The following DROSHA variants were observed in gnomAD, a reference collection of about 807,000 sequenced individuals.
DROSHA encodes ribonuclease 3.
In DROSHA, 56 loss-of-function variants were observed where a neutral mutation model predicts 181.9. The observed-to-expected ratio is 0.31, with a 90% CI of 0.25 to 0.38. The LOEUF is 0.38. DROSHA is among the 10% of genes least tolerant of loss of function. DROSHA has a pLI of 1.00. For missense variants in DROSHA, 1,218 were observed against 1,743.5 expected, an observed-to-expected ratio of 0.70 and a Z score of 5.37; for synonymous variants, 524 against 591.2, an observed-to-expected ratio of 0.89 and a Z score of 1.65.
intron 16 of DROSHA, among the ~76,000 whole-genome samples, chr5:31,478,287 C>T (rs28397014): frequency 0.019 from 2,928 of 152,214 alleles, 86 homozygotes; most frequent in African/African-American, 0.067. Flanking sequence ...CTGACACTAA[C>T]GACAGCTGAT....
At chr5:31,440,213 T>G (rs1349377405) in intron 23 of DROSHA, among the ~76,000 whole-genome samples, 2 of 152,160 alleles carry the variant, frequency 1.3e-5, no homozygotes, top group Non-Finnish European at 2.9e-5. Flanking sequence ...GTACTGGAGC[T>G]GCCAGGGGTG....
At position 31,495,376 on chromosome 5, in the gene DROSHA, A is replaced by G. The variant is rs1239636590; in HGVS notation, c.1669-4T>C. ...TAGGACGACAGGGCTTGATGGCCTGAGGGGAAAAAAACGAAAATCAGTTTA... is the reference window on the plus strand; with the variant it reads ...TAGGACGACAGGGCTTGATGGCCTGGGGGGAAAAAAACGAAAATCAGTTTA... On this transcript the variant is annotated splice_polypyrimidine_tract_variant and splice_region_variant and intron_variant, in intron 11 of 35. Coordinates refer to ENST00000344624, the MANE Select transcript of DROSHA (RefSeq NM_001382508.1). The G allele has an allele frequency of 2.5e-6, 4 of 1,611,480 alleles. No homozygotes were observed. In the African/African-American group the frequency reaches 4.0e-5, roughly 16 times the overall value.
chr5:31,428,559 C>T (rs973307284), intron 27 of DROSHA, among the ~76,000 whole-genome samples: 3 of 152,180 alleles, frequency 2.0e-5, no homozygotes, highest in African/African-American at 7.2e-5. Flanking sequence ...AAAATCATCA[C>T]ATATCTCTAG....
intron 5 of DROSHA, among the ~76,000 whole-genome samples, chr5:31,522,651 C>T (rs1447822357): frequency 6.6e-6 from 1 of 152,106 alleles, no homozygotes; most frequent in African/African-American, 2.4e-5. Flanking sequence ...TCCTTGTTTG[C>T]AAACATTAAG....
chr5:31,493,937 TTGTGTGTGTGTGTGTG>T (rs67311624), intron 12 of DROSHA, among the ~76,000 whole-genome samples: 2,480 of 144,382 alleles, frequency 0.017, 50 homozygotes, highest in African/African-American at 0.044. Flanking sequence ...TAACCCACCA[TTGTGTGTGTGTGTGTG>T]TGTGTGTGTG....
rs143138332 is a variant in DROSHA at position 31,498,830 on chromosome 5, C to T, written c.1669-3458G>A. Among the ~76,000 whole-genome samples the T allele has an allele frequency of 5.1e-4, 77 of 151,902 alleles. No individual in the cohort carries two copies. In the East Asian group the frequency reaches 0.015, roughly 29 times the overall value. ...CGAAATCACACCATTTCACTCCAGCCCGGGCAACAAGACAAAACTCTGTAT... is the reference window on the plus strand; with the variant it reads ...CGAAATCACACCATTTCACTCCAGCTCGGGCAACAAGACAAAACTCTGTAT... On this transcript the variant is annotated intron_variant, in intron 11 of 35. Transcript: ENST00000344624.
At position 31,436,957 on chromosome 5, in the gene DROSHA, A is replaced by G. The variant is rs1255691457; in HGVS notation, c.2942+282T>C. 2.0e-5 allele frequency among the ~76,000 whole-genome samples: 3 copies of G among 152,214 alleles called. No homozygotes were observed. In the East Asian group the frequency reaches 5.8e-4, roughly 29 times the overall value. ...ACATAAGCTCTGAAGCATCTAGACC[A>G]AGGCAAGCTGATCTCTTGTGGCTGT... is the stretch of plus-strand genomic sequence containing the variant. On this transcript the variant is annotated intron_variant, in intron 24 of 35. Transcript: ENST00000344624.
At chr5:31,406,737 G>T in intron 34 of DROSHA, 116 bp downstream of exon 34, 2 of 949,724 alleles carry the variant, frequency 2.1e-6, no homozygotes, top group Non-Finnish European at 3.2e-6. Flanking sequence ...TACTACTCTT[G>T]AACATTTTAT....
chr5:31,529,067 C>G lies in DROSHA; in HGVS notation c.-8G>C, dbSNP rs1368924851. 1 of 1,612,746 alleles carries G rather than the reference C, an allele frequency of 6.2e-7. No individual in the cohort carries two copies. The highest frequency in any genetic ancestry group is 1.7e-5 in the Admixed American group (1 of 59,862). ...TGTGTTTCCCTGCATCATGATGTTCCGCCTGGATATGTCACATCTTCCACA... is the reference window on the plus strand; with the variant it reads ...TGTGTTTCCCTGCATCATGATGTTCGGCCTGGATATGTCACATCTTCCACA... On this transcript the variant is annotated 5_prime_UTR_variant, in exon 4 of 36. Coordinates refer to ENST00000344624, the MANE Select transcript of DROSHA (RefSeq NM_001382508.1).
intron 10 of DROSHA, among the ~76,000 whole-genome samples, chr5:31,505,314 T>C (rs74400537): frequency 0.051 from 7,661 of 151,504 alleles, 249 homozygotes; most frequent in Non-Finnish European, 0.077. Flanking sequence ...ATATATATGA[T>C]GTGCTTCATA....
At position 31,417,468 on chromosome 5, in the gene DROSHA, C is replaced by T. The variant is rs138027518; in HGVS notation, c.3525+3804G>A. On this transcript the variant is annotated intron_variant, in intron 30 of 35. Coordinates refer to ENST00000344624, the MANE Select transcript of DROSHA (RefSeq NM_001382508.1). Reference sequence around the variant, plus strand: ...GATGTGCTGAAAATTGACTGGGGCGCGGGGTATGAATCACTTGGGAGGTTA... The same window carrying T: ...GATGTGCTGAAAATTGACTGGGGCGTGGGGTATGAATCACTTGGGAGGTTA... Among the ~76,000 whole-genome samples, 618 of 152,102 alleles carry T rather than the reference C, an allele frequency of 4.1e-3. 4 individuals are homozygous for T. The highest frequency in any genetic ancestry group is 0.014 in the African/African-American group (583 of 41,466).
intron 13 of DROSHA, 95 bp from the exon 14 acceptor site, chr5:31,486,657 A>G (rs1403579681): frequency 2.0e-6 from 2 of 999,382 alleles, no homozygotes; most frequent in African/African-American, 1.6e-5. Flanking sequence ...CCATGAACCA[A>G]ATGAGAAGGC....
chr5:31,514,894 G>T lies in DROSHA; in HGVS notation c.1290+94C>A. On this transcript the variant is annotated intron_variant, in intron 8 of 35. Transcript: ENST00000344624. This position sits in a 1 kb window ranked among gnomAD's most constrained non-coding sequence, Gnocchi z 4.4. Reference sequence around the variant, plus strand: ...TAAACATCCTACAATGCATAGGGCAGTCCCCACAATCAAGAATTTATCCAG... The same window carrying T: ...TAAACATCCTACAATGCATAGGGCATTCCCCACAATCAAGAATTTATCCAG... 1 of 1,180,228 alleles carries T rather than the reference G, an allele frequency of 8.5e-7. No individual in the cohort carries two copies. Among genetic ancestry groups the T allele is most frequent in the African/African-American group, 1.5e-5 (1 of 65,554 alleles). 73.1% of individuals were successfully genotyped at this position (1,180,228 alleles called of 1,614,324 possible). A position where few individuals can be genotyped will look rare whatever the true frequency, so the allele number is the denominator to read the frequency against.
chr5:31,439,917 A>T (rs761046652), intron 23 of DROSHA, among the ~76,000 whole-genome samples: 1 of 152,158 alleles, frequency 6.6e-6, no homozygotes, highest in South Asian at 2.1e-4. Context: ...GCATGAGCAG[A>T]AGCTGGCCTC....
In DROSHA at chr5:31,514,380, C is replaced by G. The variant is rs1739049192; in HGVS notation, c.1290+608G>C. On this transcript the variant is annotated intron_variant, in intron 8 of 35. Transcript: ENST00000344624. The surrounding 1 kb of genome is among the most constrained non-coding windows in gnomAD (Gnocchi z 4.4). ...AATAGGCTGGGCACAGTGGCTCACA[C>G]CTGTAATCCCAGCACTTTGGGAGGC... Among the ~76,000 whole-genome samples the G allele has an allele frequency of 6.6e-6, 1 of 152,100 alleles. No homozygotes were observed. Among genetic ancestry groups the G allele is most frequent in the Admixed American group, 6.6e-5 (1 of 15,244 alleles).
chr5:31,519,455 C>T (rs1739630714), intron 6 of DROSHA, among the ~76,000 whole-genome samples: 1 of 152,140 alleles, frequency 6.6e-6, no homozygotes, highest in Admixed American at 6.6e-5. Context: ...TTTCCTTTTC[C>T]TATTAAGTGG....
At chr5:31,424,781 A>C (rs1349461575) in intron 27 of DROSHA, among the ~76,000 whole-genome samples, 1 of 152,186 alleles carries the variant, frequency 6.6e-6, no homozygotes, top group Non-Finnish European at 1.5e-5. Context: ...CTGCTCTTTT[A>C]ATCATATTTT....
chr5:31,527,981 G>A (rs988308638), intron 4 of DROSHA, among the ~76,000 whole-genome samples: 6 of 152,128 alleles, frequency 3.9e-5, no homozygotes, highest in African/African-American at 1.4e-4. Context: ...GCAGCAATCA[G>A]TCCAGTTGCC....
chr5:31,404,528 G>C (rs768384307), intron 35 of DROSHA, among the ~76,000 whole-genome samples: 1 of 152,088 alleles, frequency 6.6e-6, no homozygotes, highest in Non-Finnish European at 1.5e-5. Context: ...TTCACTTTTA[G>C]CTTCCCGCAT....
Sources: allele counts gnomAD v4.1 joint callset (sites outside exome capture counted in the v4.1 genomes callset), GRCh38; gene constraint gnomAD v4.1.1; non-coding constraint Gnocchi (gnomAD v3.1); transcripts MANE v1.5; gene names NCBI Gene and HGNC (gene_info 2026-07-23, HGNC 2026-07-21).